Variants in LPP observed in about 807,000 individuals in gnomAD.
LPP encodes the protein LIM domain containing preferred translocation partner in lipoma, also known as lipoma-preferred partner.
A neutral mutation model predicts 60.4 loss-of-function variants in LPP; 38 were observed. That is an observed-to-expected ratio of 0.63 (90% CI 0.49 to 0.83). LPP has a LOEUF of 0.83. Ranked by LOEUF, LPP falls within the 40% of genes least tolerant of loss-of-function variation. LPP has a pLI of 0.00. For missense variants in LPP, 902 were observed against 783.6 expected (o/e 1.15, Z -1.80); for synonymous variants, 328 against 290.8 (o/e 1.13, Z -1.30).
At chr3:188,839,052 G>A (rs1046143251) in intron 9 of LPP, among the ~76,000 whole-genome samples, 4 of 151,886 alleles carry the variant, frequency 2.6e-5, no homozygotes, top group African/African-American at 7.3e-5. Flanking sequence ...TTGAAGTCAG[G>A]GTATAGGAAT....
At position 188,885,276 on chromosome 3, in the gene LPP, T is replaced by C. The variant is rs1246854348; in HGVS notation, c.*10797T>C. 1 of 198,958 alleles carries C rather than the reference T, an allele frequency of 5.0e-6. No homozygotes were observed. Among genetic ancestry groups the C allele is most frequent in the Non-Finnish European group, 1.0e-5 (1 of 96,280 alleles). 12.3% of individuals were successfully genotyped at this position (198,958 alleles called of 1,614,324 possible). ...TTAAAATAATCACACCTGATAAGTG[T>C]TTTATGCATTTCCCTCCCTGGAGTG... On this transcript the variant is annotated 3_prime_UTR_variant, in exon 12 of 12. Transcript: ENST00000617246.
intron 9 of LPP, among the ~76,000 whole-genome samples, chr3:188,765,861 C>CTTTTTTTTTTTTTT (rs71169019): frequency 1.1e-5 from 1 of 92,618 alleles, no homozygotes. Context: ...ATGTTCAACT[C>CTTTTTTTTTTTTTT]TTTTTTTTTT....
At chr3:188,370,038 C>T (rs1772527556) in intron 3 of LPP, among the ~76,000 whole-genome samples, 1 of 152,192 alleles carries the variant, frequency 6.6e-6, no homozygotes. Context: ...AAGCAGTTCT[C>T]TGCCTCAGCC....
At chr3:188,786,396 A>T (rs1577546250) in intron 9 of LPP, among the ~76,000 whole-genome samples, 1 of 149,188 alleles carries the variant, frequency 6.7e-6, no homozygotes, top group Non-Finnish European at 1.5e-5. Flanking sequence ...AAAAAAAAAA[A>T]AAAAAAAAAA....
chr3:188,407,298 C>G (rs1783738228), intron 4 of LPP, among the ~76,000 whole-genome samples: 1 of 152,160 alleles, frequency 6.6e-6, no homozygotes, highest in Admixed American at 6.5e-5. Flanking sequence ...GTGATATAGT[C>G]CAGTCCTCCT....
intron 1 of LPP, among the ~76,000 whole-genome samples, chr3:188,221,137 T>C (rs1009875496): frequency 7.2e-5 from 11 of 152,188 alleles, no homozygotes; most frequent in African/African-American, 2.7e-4. Flanking sequence ...CCTCTGTCAC[T>C]GGCCTCACCA....
chr3:188,592,729 A>G (rs932224408), intron 6 of LPP, among the ~76,000 whole-genome samples: 1 of 151,508 alleles, frequency 6.6e-6, no homozygotes, highest in Non-Finnish European at 1.5e-5. Context: ...TTTAGTAGAG[A>G]CAGGGTTTCA....
chr3:188,648,483 C>T (rs2148932782), intron 7 of LPP, among the ~76,000 whole-genome samples: 1 of 152,260 alleles, frequency 6.6e-6, no homozygotes, highest in South Asian at 2.1e-4. Context: ...TGGTGGGGAA[C>T]CATGAGCTGT....
At chr3:188,462,544 TTATATATA>T (rs71167102) in intron 4 of LPP, among the ~76,000 whole-genome samples, 154 of 34,196 alleles carry the variant, frequency 4.5e-3, no homozygotes, top group Admixed American at 0.011. Context: ...TATATGAGCT[TTATATATA>T]TATATATATA....
chr3:188,377,753 C>G (rs1775598699), intron 3 of LPP, among the ~76,000 whole-genome samples: 1 of 152,316 alleles, frequency 6.6e-6, no homozygotes, highest in South Asian at 2.1e-4. Context: ...TGGTGAGGAG[C>G]TGTGTTCCTT....
intron 6 of LPP, among the ~76,000 whole-genome samples, chr3:188,583,309 T>C (rs1207699551): frequency 6.6e-6 from 1 of 152,172 alleles, no homozygotes; most frequent in Admixed American, 6.6e-5. Context: ...CATGCTATAG[T>C]CACACACTGC....
rs191895652 is a variant in LPP at position 188,529,932 on chromosome 3, G to A, written c.429+5145G>A. The stretch of plus-strand genomic sequence containing the variant: ...CAAAATTATTGGGAGATAAAATACA[G>A]GAATACCAACATTGTACCTTATACC... On this transcript the variant is annotated intron_variant, in intron 6 of 11. Coordinates refer to ENST00000617246, the MANE Select transcript of LPP (RefSeq NM_001375462.1). Among the ~76,000 whole-genome samples the A allele has an allele frequency of 6.6e-5, 10 of 152,330 alleles. No homozygotes were observed. In the East Asian group the frequency reaches 1.9e-3, roughly 29 times the overall value.
chr3:188,722,874 G>T (rs1365083452), intron 8 of LPP, among the ~76,000 whole-genome samples: 1 of 152,162 alleles, frequency 6.6e-6, no homozygotes, highest in Non-Finnish European at 1.5e-5. Context: ...CATCTGGTTT[G>T]ATTTGTGTCA....
At position 188,334,029 on chromosome 3, in the gene LPP, G is replaced by T. The variant is rs181885218; in HGVS notation, c.-66-7634G>T. On this transcript the variant is annotated intron_variant, in intron 2 of 11. Transcript: ENST00000617246. Reference sequence around the variant, plus strand: ...AACCTTTGGCTATCCTCCCCCTCCTGCTACTTTTCTCCACCTCTGGTGATC... The same window carrying T: ...AACCTTTGGCTATCCTCCCCCTCCTTCTACTTTTCTCCACCTCTGGTGATC... Among the ~76,000 whole-genome samples, 64 of 152,218 alleles carry T rather than the reference G, an allele frequency of 4.2e-4. No homozygotes were observed. The East Asian group carries it at 0.011, about 25-fold the overall frequency.
chr3:188,215,761 A>G (rs1318480634), intron 1 of LPP, among the ~76,000 whole-genome samples: 1 of 152,256 alleles, frequency 6.6e-6, no homozygotes, highest in African/African-American at 2.4e-5. Context: ...AAAGTCACAT[A>G]GTCAGTAGTG....
chr3:188,599,227 C>T (rs957812424), intron 6 of LPP, among the ~76,000 whole-genome samples: 6 of 152,150 alleles, frequency 3.9e-5, no homozygotes, highest in Non-Finnish European at 5.9e-5. Flanking sequence ...AGTTCAAAAC[C>T]GATGGCATTC....
At chr3:188,722,665 T>C (rs56138087) in intron 8 of LPP, among the ~76,000 whole-genome samples, 8,591 of 152,294 alleles carry the variant, frequency 0.056, 309 homozygotes, top group Non-Finnish European at 0.086. Flanking sequence ...TTCAGTTTTC[T>C]TGTTTAGATT....
chr3:188,810,469 A>AAG (rs34911668), intron 9 of LPP, among the ~76,000 whole-genome samples: 19,391 of 150,266 alleles, frequency 0.13, 1,556 homozygotes, highest in Non-Finnish European at 0.18. Context: ...AAGAGAGAGA[A>AAG]AGAGAGAGAG....
chr3:188,315,992 G>C (rs989553651), intron 2 of LPP, among the ~76,000 whole-genome samples: 2 of 152,224 alleles, frequency 1.3e-5, no homozygotes. Flanking sequence ...AGATTAGCCT[G>C]TCTGGGCGCG....
Sources: allele counts gnomAD v4.1 joint callset (sites outside exome capture counted in the v4.1 genomes callset), GRCh38; gene constraint gnomAD v4.1.1; transcripts MANE v1.5; gene names NCBI Gene and HGNC (gene_info 2026-07-23, HGNC 2026-07-21).